Variants in PCDH15 observed in about 807,000 individuals in gnomAD.
The protein encoded by PCDH15 is protocadherin related 15.
PCDH15 carries 129 observed loss-of-function variants against 178.5 expected under a neutral mutation model. That is an observed-to-expected ratio of 0.72 (90% confidence interval 0.63 to 0.84). The LOEUF is 0.84. Among genes scored for constraint, PCDH15 ranks in the 40% least tolerant of loss-of-function variants. PCDH15 has a pLI of 0.00. For missense variants in PCDH15, 2,230 were observed against 2,099.9 expected, an observed-to-expected ratio of 1.06 and a Z score of -1.21; for synonymous variants, 800 against 732.0, an observed-to-expected ratio of 1.09 and a Z score of -1.50.
chr10:54,052,878 C>T (rs1168915955), intron 18 of PCDH15, among the ~76,000 whole-genome samples: 1 of 152,138 alleles, frequency 6.6e-6, no homozygotes, highest in Non-Finnish European at 1.5e-5. Flanking sequence ...ATGCTGTTCT[C>T]ATGATACTAC....
chr10:54,371,479 T>C (rs1447793855), intron 4 of PCDH15, among the ~76,000 whole-genome samples: 2 of 151,832 alleles, frequency 1.3e-5, no homozygotes, highest in Admixed American at 6.6e-5. Flanking sequence ...TAACAACATA[T>C]GATTTGTCAA....
intron 3 of PCDH15, among the ~76,000 whole-genome samples, chr10:54,407,145 C>T (rs1165048959): frequency 6.6e-6 from 1 of 152,010 alleles, no homozygotes; most frequent in East Asian, 1.9e-4. Context: ...ATAAAAATTT[C>T]TTAAATAGGC....
chr10:54,394,283 A>T (rs1000429035), intron 3 of PCDH15, among the ~76,000 whole-genome samples: 3 of 151,764 alleles, frequency 2.0e-5, no homozygotes, highest in Non-Finnish European at 4.4e-5. Context: ...CGTAAATAAA[A>T]TTATCGGGGA....
intron 9 of PCDH15, among the ~76,000 whole-genome samples, chr10:54,223,203 G>A (rs886974658): frequency 1.3e-5 from 2 of 150,844 alleles, no homozygotes; most frequent in East Asian, 2.0e-4. Context: ...CTAGGTACTC[G>A]AGAGGCTGAG....
At chr10:55,122,803 A>G (rs1837802867) in intron 2 of PCDH15, among the ~76,000 whole-genome samples, 1 of 152,194 alleles carries the variant, frequency 6.6e-6, no homozygotes, top group South Asian at 2.1e-4. Flanking sequence ...AATAGGTGAC[A>G]AATACAAATA....
chr10:54,458,277 A>T (rs543122020), intron 3 of PCDH15, among the ~76,000 whole-genome samples: 10 of 152,262 alleles, frequency 6.6e-5, no homozygotes. Flanking sequence ...TTTTATTCAC[A>T]CTACCGTAAG....
chr10:54,955,335 TA>T (rs1190186263), intron 2 of PCDH15, among the ~76,000 whole-genome samples: 2 of 151,406 alleles, frequency 1.3e-5, no homozygotes, highest in African/African-American at 4.8e-5. Context: ...ACCAATGTTT[TA>T]AAACAATTTT....
intron 2 of PCDH15, among the ~76,000 whole-genome samples, chr10:54,913,390 G>A (rs1954850287): frequency 1.3e-5 from 2 of 152,144 alleles, no homozygotes; most frequent in Admixed American, 1.3e-4. Context: ...TTCCATATGT[G>A]TGCAGAGGGC....
At chr10:55,321,554 CA>C, upstream of PCDH15, among the ~76,000 whole-genome samples, 1 of 152,218 alleles carries the variant, frequency 6.6e-6, no homozygotes, top group Non-Finnish European at 1.5e-5. Context: ...ACACAGTCAT[CA>C]GATTTACCAA....
chr10:54,445,234 C>T (rs2076075663), intron 3 of PCDH15, among the ~76,000 whole-genome samples: 1 of 150,760 alleles, frequency 6.6e-6, no homozygotes, highest in African/African-American at 2.4e-5. Flanking sequence ...AAAAATTTAC[C>T]CATCTTTTAT....
Position 54,266,968 on chromosome 10 carries a change from T to TAC in PCDH15, c.877-30039_877-30038dup, listed in dbSNP as rs1408652828. ...CATCCTGATACCAAAATATGGCAAA[T>TAC]ACACACACACAAAAGAAAACCCTAG... On this transcript the variant is annotated intron_variant, in intron 8 of 37. Transcript: ENST00000644397. 2.0e-5 allele frequency among the ~76,000 whole-genome samples: 3 copies of TAC among 151,512 alleles called. No homozygotes were observed. In the East Asian group the frequency reaches 5.8e-4, roughly 29 times the overall value.
intron 2 of PCDH15, among the ~76,000 whole-genome samples, chr10:55,049,224 T>C (rs535799746): frequency 1.3e-5 from 2 of 152,120 alleles, no homozygotes; most frequent in African/African-American, 2.4e-5. Flanking sequence ...TAAGTTCTAA[T>C]ATAGCACTGA....
intron 15 of PCDH15, among the ~76,000 whole-genome samples, chr10:54,121,196 A>AGACGGAGTCTCGCTCTGTCGCCC (rs1427874453): frequency 2.9e-5 from 4 of 135,884 alleles, no homozygotes; most frequent in South Asian, 2.5e-4. Context: ...AGTGACTTTT[A>AGACGGAGTCTCGCTCTGTCGCCC]AGTAAACAAC....
chr10:55,420,990 G>A (rs1009669558), intron 2 of PCDH15, among the ~76,000 whole-genome samples: 2 of 151,660 alleles, frequency 1.3e-5, no homozygotes, highest in Non-Finnish European at 3.0e-5. Context: ...TAATAGGCTA[G>A]AAACTATTTA....
intron 25 of PCDH15, among the ~76,000 whole-genome samples, chr10:53,914,019 A>G (rs1196491280): frequency 6.6e-6 from 1 of 152,208 alleles, no homozygotes; most frequent in Non-Finnish European, 1.5e-5. Context: ...AAAAAGGCCC[A>G]TCATCACTGG....
At chr10:54,028,945 A>T (rs567984108) in intron 18 of PCDH15, among the ~76,000 whole-genome samples, 18 of 109,234 alleles carry the variant, frequency 1.6e-4, no homozygotes, top group African/African-American at 1.1e-3. Flanking sequence ...TAATAATAAT[A>T]AAAAAAAGAC....
At position 54,602,372 on chromosome 10, in the gene PCDH15, A is replaced by T. The variant is rs376572425; in HGVS notation, c.91+61800T>A. Among the ~76,000 whole-genome samples the T allele has an allele frequency of 8.5e-5, 13 of 152,058 alleles. No homozygotes were observed. In the East Asian group the frequency reaches 9.7e-4, roughly 11 times the overall value. ...TTTACTAAATTCATGTATTAATTGT[A>T]GCATTTTTGGTTGTCATTGAGACTT... is the stretch of plus-strand genomic sequence containing the variant. On this transcript the variant is annotated intron_variant, in intron 2 of 37. Transcript: ENST00000644397.
chr10:55,405,541 T>C (rs1214983631), intron 2 of PCDH15, among the ~76,000 whole-genome samples: 2 of 151,632 alleles, frequency 1.3e-5, no homozygotes, highest in East Asian at 1.9e-4. Flanking sequence ...CATTAACATA[T>C]AGTGAGTATC....
chr10:53,903,694 CAATACCAGTTATACCA>C (rs754243959), intron 25 of PCDH15, among the ~76,000 whole-genome samples: 1 of 152,080 alleles, frequency 6.6e-6, no homozygotes, highest in Non-Finnish European at 1.5e-5. Context: ...ACTTCACACA[CAATACCAGTTATACCA>C]AAGGGACACA....
Sources: gnomAD v4.1 joint callset for allele counts (sites outside exome capture counted in the v4.1 genomes callset) on GRCh38, gnomAD v4.1.1 for gene constraint, MANE v1.5 for transcripts, NCBI Gene and HGNC (gene_info 2026-07-23, HGNC 2026-07-21) for gene names.